The following TMEM178B variants were observed in gnomAD, a reference collection of about 807,000 sequenced individuals.
TMEM178B encodes the protein transmembrane protein 178B.
A neutral mutation model predicts 31.0 loss-of-function variants in TMEM178B; 5 were observed. The observed-to-expected ratio is 0.16, with a 90% CI of 0.08 to 0.34. The LOEUF is 0.34. TMEM178B is among the 10% of genes least tolerant of loss of function. The pLI, the probability that TMEM178B is intolerant of heterozygous loss-of-function variation, is 1.00. For synonymous variants in TMEM178B, 164 were observed against 164.0 expected (o/e 1.00, Z 0.00); for missense variants, 275 against 400.3 (o/e 0.69, Z 2.67).
intron 1 of TMEM178B, among the ~76,000 whole-genome samples, chr7:141,147,223 C>T (rs1048700397): frequency 3.9e-5 from 6 of 151,922 alleles, no homozygotes; most frequent in Admixed American, 2.6e-4. Flanking sequence ...CTCCGTCCCT[C>T]CTTCCCTTTC....
chr7:141,189,735 A>G (rs1165518290), intron 1 of TMEM178B, among the ~76,000 whole-genome samples: 1 of 152,190 alleles, frequency 6.6e-6, no homozygotes, highest in East Asian at 1.9e-4. Context: ...GGCCATTCTA[A>G]CGTCTCTCTA....
At chr7:141,090,996 G>T (rs899695683) in intron 1 of TMEM178B, among the ~76,000 whole-genome samples, 1 of 152,188 alleles carries the variant, frequency 6.6e-6, no homozygotes, top group Non-Finnish European at 1.5e-5. Flanking sequence ...TAATTATTTT[G>T]CTTTTAGCAG....
At position 141,344,600 on chromosome 7, in the gene TMEM178B, C is replaced by CTTCT. The variant is rs891776815; in HGVS notation, c.497-93005_497-93004insTTTC. 3.3e-5 allele frequency among the ~76,000 whole-genome samples: 5 copies of CTTCT among 149,922 alleles called. No individual in the cohort carries two copies. The highest frequency in any genetic ancestry group is 1.2e-4 in the African/African-American group (5 of 40,182). On this transcript the variant is annotated intron_variant, in intron 2 of 3. Transcript: ENST00000565468. This position sits in a 1 kb window ranked among gnomAD's most constrained non-coding sequence, Gnocchi z 4.1. Reference sequence around the variant, plus strand: ...CCTTCCTTCCTTCCTTCCTTCCTTCCTTCCTTCCTTCCTTCCTTCCTTCCT... The same window carrying CTTCT: ...CCTTCCTTCCTTCCTTCCTTCCTTCCTTCTTTCCTTCCTTCCTTCCTTCCTTCCT...
intron 1 of TMEM178B, among the ~76,000 whole-genome samples, chr7:141,108,976 G>C (rs562255107): frequency 1.3e-5 from 2 of 152,314 alleles, no homozygotes; most frequent in Admixed American, 1.3e-4. Context: ...GGCGGCAAGA[G>C]AGAGAATGAG....
At chr7:141,332,452 C>T (rs1799314422) in intron 2 of TMEM178B, among the ~76,000 whole-genome samples, 1 of 152,224 alleles carries the variant, frequency 6.6e-6, no homozygotes, top group Non-Finnish European at 1.5e-5. Flanking sequence ...CAGCAGCCAA[C>T]ACGATTTCTG....
At chr7:141,198,990 C>T (rs1796830780) in intron 1 of TMEM178B, among the ~76,000 whole-genome samples, 1 of 152,204 alleles carries the variant, frequency 6.6e-6, no homozygotes, top group Non-Finnish European at 1.5e-5. Context: ...CTCACCTTCT[C>T]ATTCTTTCCC....
intron 2 of TMEM178B, among the ~76,000 whole-genome samples, chr7:141,309,543 T>C (rs918498022): frequency 6.6e-6 from 1 of 152,334 alleles, no homozygotes; most frequent in African/African-American, 2.4e-5. Context: ...TATGTAGACA[T>C]CCTTAATATG....
chr7:141,247,015 C>A (rs908393036), intron 2 of TMEM178B, among the ~76,000 whole-genome samples: 2 of 152,122 alleles, frequency 1.3e-5, no homozygotes. Flanking sequence ...GGTCAGGGAA[C>A]ATGTGTCTCT....
intron 2 of TMEM178B, among the ~76,000 whole-genome samples, chr7:141,390,755 T>C (rs764256930): frequency 2.6e-5 from 4 of 152,220 alleles, no homozygotes; most frequent in African/African-American, 4.8e-5. Context: ...TCAGAACCTT[T>C]CTAATGTGCA....
intron 2 of TMEM178B, among the ~76,000 whole-genome samples, chr7:141,258,383 T>C (rs959334912): frequency 1.3e-5 from 2 of 152,166 alleles, no homozygotes; most frequent in Admixed American, 1.3e-4. Flanking sequence ...TAAGAAAGTT[T>C]ACAAATTTGT....
chr7:141,317,878 G>A (rs183541819), intron 2 of TMEM178B, among the ~76,000 whole-genome samples: 5 of 152,262 alleles, frequency 3.3e-5, no homozygotes, highest in African/African-American at 4.8e-5. Flanking sequence ...TTGTAACTGC[G>A]ATGGTTGCCT....
At chr7:141,427,075 C>T (rs369601506) in intron 2 of TMEM178B, among the ~76,000 whole-genome samples, 9 of 152,212 alleles carry the variant, frequency 5.9e-5, no homozygotes, top group South Asian at 4.2e-4. Flanking sequence ...ACACTAATAA[C>T]GGAAAGATAT....
intron 2 of TMEM178B, among the ~76,000 whole-genome samples, chr7:141,324,443 T>TGG (rs1799155199): frequency 8.5e-6 from 1 of 118,316 alleles, no homozygotes; most frequent in Admixed American, 8.5e-5. Flanking sequence ...TTTTTTTTTT[T>TGG]TTTTTTTTTT....
At chr7:141,133,008 TAC>T (rs1236184710) in intron 1 of TMEM178B, among the ~76,000 whole-genome samples, 1 of 152,042 alleles carries the variant, frequency 6.6e-6, no homozygotes, top group East Asian at 1.9e-4. Flanking sequence ...ATACAGACCC[TAC>T]ACTACTGCAC....
At chr7:141,149,471 A>G (rs1215730969) in intron 1 of TMEM178B, among the ~76,000 whole-genome samples, 1 of 152,172 alleles carries the variant, frequency 6.6e-6, no homozygotes, top group Non-Finnish European at 1.5e-5. Flanking sequence ...TTGTTTGAAC[A>G]CTTGAGGTGG....
Position 141,175,957 on chromosome 7 carries a change from C to T in TMEM178B, c.383-36634C>T, listed in dbSNP as rs1036873223. Among the ~76,000 whole-genome samples, 7 of 152,300 alleles carry T rather than the reference C, an allele frequency of 4.6e-5. 1 individual carries two copies. Among genetic ancestry groups the T allele is most frequent in the Admixed American group, 2.0e-4 (3 of 15,298 alleles). On this transcript the variant is annotated intron_variant, in intron 1 of 3. Coordinates refer to ENST00000565468, the MANE Select transcript of TMEM178B (RefSeq NM_001195278.2). ...ACTTGAATACACTTTACTTCTTTCT[C>T]TTGCCTGACTTCCCTGGCCAGAACT...
chr7:141,310,088 G>C (rs1798882180), intron 2 of TMEM178B, among the ~76,000 whole-genome samples: 1 of 152,116 alleles, frequency 6.6e-6, no homozygotes, highest in Admixed American at 6.5e-5. Flanking sequence ...TGACAAATGG[G>C]ATCTAATTAA....
intron 2 of TMEM178B, among the ~76,000 whole-genome samples, chr7:141,331,871 T>G (rs1425539906): frequency 1.3e-5 from 2 of 152,240 alleles, no homozygotes; most frequent in African/African-American, 2.4e-5. Flanking sequence ...TCCTGGTCTC[T>G]TTGTAACTCT....
chr7:141,371,417 G>A (rs115608017), intron 2 of TMEM178B, among the ~76,000 whole-genome samples: 3,668 of 152,196 alleles, frequency 0.024, 131 homozygotes, highest in African/African-American at 0.083. Flanking sequence ...CTCACCTGAC[G>A]CAGACACCAG....
Sources: gnomAD v4.1 joint callset for allele counts (sites outside exome capture counted in the v4.1 genomes callset) on GRCh38, gnomAD v4.1.1 for gene constraint, Gnocchi (gnomAD v3.1) non-coding constraint, MANE v1.5 for transcripts, NCBI Gene and HGNC (gene_info 2026-07-23, HGNC 2026-07-21) for gene names.